The following ASAP1 variants were observed in gnomAD, a reference collection of about 807,000 sequenced individuals.
ASAP1 encodes arf-GAP with SH3 domain, ANK repeat and PH domain-containing protein 1.
Under a neutral mutation model 145.2 loss-of-function variants are expected in ASAP1, and 43 were observed. That is an observed-to-expected ratio of 0.30 (90% CI 0.23 to 0.38). The LOEUF is 0.38. Ranked by LOEUF, ASAP1 falls within the 10% of genes least tolerant of loss-of-function variation. The pLI is 1.00. For synonymous variants in ASAP1, 546 were observed against 515.5 expected, an observed-to-expected ratio of 1.06 and a Z score of -0.80; for missense variants, 1,018 against 1,355.3, an observed-to-expected ratio of 0.75 and a Z score of 3.91.
chr8:130,235,424 CAAT>C (rs1437827493), intron 4 of ASAP1, among the ~76,000 whole-genome samples: 3 of 152,064 alleles, frequency 2.0e-5, no homozygotes, highest in African/African-American at 4.8e-5. Context: ...CAAGAAACAA[CAAT>C]ATCAGCACCT....
chr8:130,289,417 A>G (rs1821819344), intron 3 of ASAP1, among the ~76,000 whole-genome samples: 1 of 152,190 alleles, frequency 6.6e-6, no homozygotes, highest in Non-Finnish European at 1.5e-5. Flanking sequence ...ACATGAGAAT[A>G]TTCTTTAAAA....
At chr8:130,228,284 A>C (rs148278942) in intron 4 of ASAP1, among the ~76,000 whole-genome samples, 2 of 152,122 alleles carry the variant, frequency 1.3e-5, no homozygotes, top group African/African-American at 4.8e-5. Context: ...CATGACCTCA[A>C]CTAGGCTTCT....
At chr8:130,292,645 C>T (rs1822016929) in intron 3 of ASAP1, among the ~76,000 whole-genome samples, 1 of 152,160 alleles carries the variant, frequency 6.6e-6, no homozygotes, top group Admixed American at 6.5e-5. Flanking sequence ...CTCACGTTCC[C>T]TGTTGTGCAC....
At chr8:130,151,446 T>C (rs965135995) in intron 13 of ASAP1, among the ~76,000 whole-genome samples, 4 of 126,144 alleles carry the variant, frequency 3.2e-5, no homozygotes, top group African/African-American at 1.2e-4. Flanking sequence ...TTAGACAGCC[T>C]CAATCATAAT....
intron 9 of ASAP1, among the ~76,000 whole-genome samples, chr8:130,169,829 G>C (rs988243691): frequency 2.6e-5 from 4 of 152,218 alleles, no homozygotes; most frequent in Non-Finnish European, 5.9e-5. Context: ...GTTGCAGCTA[G>C]TAAGCAGCAG....
At chr8:130,386,035 G>C (rs773095658) in intron 2 of ASAP1, among the ~76,000 whole-genome samples, 85 of 152,246 alleles carry the variant, frequency 5.6e-4, no homozygotes, top group South Asian at 1.0e-3. Context: ...ATAGACCAAC[G>C]GGAATCAATC....
At chr8:130,064,861 A>G (rs1484099794) in intron 27 of ASAP1, among the ~76,000 whole-genome samples, 1 of 151,056 alleles carries the variant, frequency 6.6e-6, no homozygotes, top group Non-Finnish European at 1.5e-5. Context: ...AACTCAAAGA[A>G]ACACTTACCT....
intron 2 of ASAP1, among the ~76,000 whole-genome samples, chr8:130,382,341 T>A (rs1231874139): frequency 6.6e-6 from 1 of 151,544 alleles, no homozygotes; most frequent in East Asian, 1.9e-4. Context: ...TTCATTAATA[T>A]TATTTATTGA....
At chr8:130,168,757 G>C (rs2097685321) in intron 10 of ASAP1, among the ~76,000 whole-genome samples, 1 of 152,114 alleles carries the variant, frequency 6.6e-6, no homozygotes. Context: ...GAACCATCTG[G>C]AACTGATGGC....
chr8:130,238,991 A>G (rs1818371489), intron 3 of ASAP1, among the ~76,000 whole-genome samples: 1 of 151,944 alleles, frequency 6.6e-6, no homozygotes, highest in Non-Finnish European at 1.5e-5. Context: ...TCCTTTAAAT[A>G]CTCTTGTATC....
At chr8:130,333,506 A>C (rs1443095966) in intron 3 of ASAP1, among the ~76,000 whole-genome samples, 3 of 152,232 alleles carry the variant, frequency 2.0e-5, no homozygotes, top group Admixed American at 6.5e-5. Flanking sequence ...TGGGAGGCTG[A>C]GGCTGGAGAG....
intron 18 of ASAP1, among the ~76,000 whole-genome samples, chr8:130,122,381 T>C (rs1006462208): frequency 6.6e-6 from 1 of 152,208 alleles, no homozygotes; most frequent in Non-Finnish European, 1.5e-5. Context: ...TCAAACTGCA[T>C]GTTACAAGAG....
At chr8:130,299,239 T>C (rs1482970694) in intron 3 of ASAP1, among the ~76,000 whole-genome samples, 1 of 152,166 alleles carries the variant, frequency 6.6e-6, no homozygotes, top group Non-Finnish European at 1.5e-5. Flanking sequence ...CCCTGTGCTT[T>C]GTGCAGATGT....
chr8:130,223,474 G>T (rs1190715275), intron 4 of ASAP1, among the ~76,000 whole-genome samples: 1 of 152,160 alleles, frequency 6.6e-6, no homozygotes, highest in Non-Finnish European at 1.5e-5. Context: ...AAGTTCTGAT[G>T]CTAATGGATG....
At chr8:130,101,752 T>TTTTTTTTTTTA (rs2097529269) in intron 24 of ASAP1, among the ~76,000 whole-genome samples, 1 of 139,080 alleles carries the variant, frequency 7.2e-6, no homozygotes, top group Admixed American at 7.2e-5. Context: ...TTTTTTTTTT[T>TTTTTTTTTTTA]GCAGAGATAG....
intron 18 of ASAP1, among the ~76,000 whole-genome samples, chr8:130,122,772 G>A (rs1025670726): frequency 6.6e-6 from 1 of 152,256 alleles, no homozygotes; most frequent in Non-Finnish European, 1.5e-5. Context: ...AAGTCTTACA[G>A]AGGCCAAATG....
intron 2 of ASAP1, among the ~76,000 whole-genome samples, chr8:130,369,440 C>A (rs1827110940): frequency 6.6e-6 from 1 of 152,170 alleles, no homozygotes; most frequent in Admixed American, 6.5e-5. Flanking sequence ...GAGAATTTCA[C>A]ATTTGGGATT....
intron 5 of ASAP1, among the ~76,000 whole-genome samples, chr8:130,206,705 T>C (rs1816249401): frequency 6.6e-6 from 1 of 152,190 alleles, no homozygotes; most frequent in Non-Finnish European, 1.5e-5. Context: ...CTCCCACTAT[T>C]TAAAAAATAA....
At chr8:130,139,947 C>A (rs1473871620) in intron 13 of ASAP1, among the ~76,000 whole-genome samples, 1 of 148,710 alleles carries the variant, frequency 6.7e-6, no homozygotes, top group African/African-American at 2.5e-5. Context: ...AACAAAAAAA[C>A]ACCATACACT....
Sources: allele counts gnomAD v4.1 joint callset (sites outside exome capture counted in the v4.1 genomes callset), GRCh38; gene constraint gnomAD v4.1.1; transcripts MANE v1.5; gene names NCBI Gene and HGNC (gene_info 2026-07-23, HGNC 2026-07-21).